The following GTPBP1 variants were observed in gnomAD, a reference collection of about 807,000 sequenced individuals.
GTPBP1 encodes GTP-binding protein 1.
GTPBP1 carries 23 observed loss-of-function variants against 62.0 expected under a neutral mutation model. The ratio of observed to expected loss-of-function variants is 0.37; its 90% confidence interval spans 0.27 to 0.53. The LOEUF is 0.53. GTPBP1 is among the 20% of genes least tolerant of loss of function. The pLI is 0.89. For synonymous variants in GTPBP1, 344 were observed against 364.4 expected, an observed-to-expected ratio of 0.94 and a Z score of 0.64; for missense variants, 640 against 917.3, an observed-to-expected ratio of 0.70 and a Z score of 3.90.
At chr22:38,729,430 C>T (rs2092744189) in intron 10 of GTPBP1, 32 bp from the exon 11 acceptor site, 18 of 1,538,696 alleles carry the variant, frequency 1.2e-5, no homozygotes, top group Non-Finnish European at 1.6e-5. Flanking sequence ...CCCCGCAGCT[C>T]CAGCCTCAGC....
rs755305464 is a variant in GTPBP1, at chr22:38,716,715, G to T, written c.549G>T (p.Gly183=). The change falls in exon 4 of 12, where the codon GGG becomes GGT. Residue 183 remains glycine (G), a synonymous_variant. Transcript: ENST00000216044. The surrounding 1 kb of genome is among the most constrained non-coding windows in gnomAD (Gnocchi z 5.2). ...CGCTTCTGGGGGTCCTGACACATGGGGAGCTGGACAATGGCCGAGGCTTTG... is the reference window on the plus strand; with the variant it reads ...CGCTTCTGGGGGTCCTGACACATGGTGAGCTGGACAATGGCCGAGGCTTTG... ...KSTLLGVLTH[G]ELDNGRGFAR... is the part of the protein sequence containing the mutation. 2.5e-6 allele frequency: 4 copies of T among 1,614,194 alleles called. No individual in the cohort carries two copies. Among genetic ancestry groups the T allele is most frequent in the Middle Eastern group, 1.6e-4 (1 of 6,062 alleles).
At chr22:38,723,216 C>A in intron 5 of GTPBP1, 1 of 1,029,228 alleles carries the variant, frequency 9.7e-7, no homozygotes, top group South Asian at 1.3e-5. Context: ...AGAAGAAAAG[C>A]ACCAAATTAT....
chr22:38,737,355 C>T (rs775975626), downstream of GTPBP1, among the ~76,000 whole-genome samples: 20 of 152,044 alleles, frequency 1.3e-4, no homozygotes, highest in Non-Finnish European at 2.5e-4. The surrounding 1 kb of genome is among the most constrained non-coding windows in gnomAD (Gnocchi z 4.1). Flanking sequence ...TGGACATTCA[C>T]GACCCTCCCT....
downstream of GTPBP1, chr22:38,734,394 G>A: frequency 2.5e-6 from 1 of 403,120 alleles, no homozygotes; most frequent in Non-Finnish European, 5.1e-6. Flanking sequence ...GACGTGGCTG[G>A]TAGGTAAGTG....
chr22:38,740,925 G>T (rs529640737), downstream of GTPBP1: 99 of 1,410,648 alleles, frequency 7.0e-5, no homozygotes, highest in Non-Finnish European at 9.3e-5. This position sits in a 1 kb window ranked among gnomAD's most constrained non-coding sequence, Gnocchi z 4.8. Flanking sequence ...TCTCTGCTCT[G>T]CGGCTCTGCT....
downstream of GTPBP1, chr22:38,741,061 A>G (rs773590546): frequency 8.8e-6 from 14 of 1,593,626 alleles, no homozygotes; most frequent in African/African-American, 2.7e-5. Flanking sequence ...CTGTGTAGGA[A>G]GAAGGGACAA....
chr22:38,726,492 C>T lies in GTPBP1; in HGVS notation c.1401+52C>T. On this transcript the variant is annotated intron_variant, in intron 8 of 11. Transcript: ENST00000216044. This position sits in a 1 kb window ranked among gnomAD's most constrained non-coding sequence, Gnocchi z 4.1. The stretch of plus-strand genomic sequence containing the variant: ...CCCTCAGACTCCATCATGCTAGGCT[C>T]TTGGCCAGATGCCCTGCTCACCCAC... 6.7e-7 allele frequency: 1 copy of T among 1,498,000 alleles called. No individual in the cohort carries two copies. Among genetic ancestry groups the T allele is most frequent in the Non-Finnish European group, 9.2e-7 (1 of 1,082,064 alleles). The allele number at this position is 1,498,000 out of a possible 1,614,324, so 92.8% of individuals were successfully genotyped here. A position where few individuals can be genotyped will look rare whatever the true frequency, so the allele number is the denominator to read the frequency against.
chr22:38,739,026 G>A (rs766818927), downstream of GTPBP1: 8 of 1,569,512 alleles, frequency 5.1e-6, no homozygotes, highest in South Asian at 1.2e-5. This position sits in a 1 kb window ranked among gnomAD's most constrained non-coding sequence, Gnocchi z 6.7. Context: ...GCTCCCGCAC[G>A]GGAGGAGGGC....
downstream of GTPBP1, chr22:38,741,138 G>T: frequency 7.0e-7 from 1 of 1,426,392 alleles, no homozygotes; most frequent in Non-Finnish European, 9.7e-7. Flanking sequence ...TAGCGTCTTT[G>T]CTTAACCACA....
At chr22:38,728,228 G>C in intron 10 of GTPBP1, 67 bp downstream of exon 10, 1 of 1,155,238 alleles carries the variant, frequency 8.7e-7, no homozygotes, top group Non-Finnish European at 1.3e-6. Flanking sequence ...CTGTGACCCT[G>C]AGTGCAGGGC....
Position 38,728,123 on chromosome 22 carries a change from C to T in GTPBP1, c.1678C>T (p.Arg560Trp), listed in dbSNP as rs2092736621. 1.2e-6 allele frequency: 2 copies of T among 1,613,802 alleles called. No individual in the cohort carries two copies. Among genetic ancestry groups the T allele is most frequent in the African/African-American group, 1.3e-5 (1 of 75,018 alleles). ...GCACATAGACCAGCGGCTGGTGTTC[C>T]GGGAAGGCCGCACCAAGGCTGTCGG... ...YLHIDQRLVF[R>W]EGRTKAVGTI... Residue 560 changes from arginine to tryptophan, a missense_variant, in exon 10 of 12, where the codon CGG becomes TGG. This residue lies in a region of GTPBP1 where 220 missense variants were observed against 358.1 expected (regional missense o/e 0.61). Coordinates refer to ENST00000216044, the MANE Select transcript of GTPBP1 (RefSeq NM_004286.5).
downstream of GTPBP1, chr22:38,738,351 C>G: frequency 1.6e-6 from 2 of 1,266,760 alleles, no homozygotes; most frequent in Non-Finnish European, 2.2e-6. This position sits in a 1 kb window ranked among gnomAD's most constrained non-coding sequence, Gnocchi z 6.6. Context: ...TCCCACCCAG[C>G]AGGTCAGGCA....
downstream of GTPBP1, chr22:38,740,530 G>A (rs1016241550): frequency 4.0e-5 from 52 of 1,313,982 alleles, no homozygotes; most frequent in Non-Finnish European, 5.0e-5. This position sits in a 1 kb window ranked among gnomAD's most constrained non-coding sequence, Gnocchi z 4.8. Flanking sequence ...CTCCCGTCAG[G>A]AGAGCGGGTG....
At chr22:38,714,234 G>T (rs2092656130) in intron 2 of GTPBP1, among the ~76,000 whole-genome samples, 1 of 152,054 alleles carries the variant, frequency 6.6e-6, no homozygotes, top group Non-Finnish European at 1.5e-5. Context: ...CCAGCACTTT[G>T]GTGGGAGGCC....
downstream of GTPBP1, chr22:38,740,432 G>A: frequency 6.6e-7 from 1 of 1,505,016 alleles, no homozygotes; most frequent in Non-Finnish European, 8.9e-7. This position sits in a 1 kb window ranked among gnomAD's most constrained non-coding sequence, Gnocchi z 4.8. Context: ...CCTGGGTCAT[G>A]CTGGTCCCAG....
chr22:38,732,655 T>C lies in GTPBP1; in HGVS notation c.*1951T>C, dbSNP rs1282829312. 6.6e-6 allele frequency: 1 copy of C among 152,266 alleles called. No individual in the cohort carries two copies. The highest frequency in any genetic ancestry group is 1.5e-5 in the Non-Finnish European group (1 of 68,064). 9.4% of individuals were successfully genotyped at this position (152,266 alleles called of 1,614,324 possible). A position where few individuals can be genotyped will look rare whatever the true frequency, so the allele number is the denominator to read the frequency against. The stretch of plus-strand genomic sequence containing the variant: ...CTGCCAGGAGTCTCACACGCTCCTG[T>C]TGACATTCCCAGCAGCCGCCCCTGA... On this transcript the variant is annotated 3_prime_UTR_variant, in exon 12 of 12. Transcript: ENST00000216044.
At chr22:38,740,778 C>T (rs948468749), downstream of GTPBP1, 2 of 600,980 alleles carry the variant, frequency 3.3e-6, no homozygotes, top group Non-Finnish European at 5.9e-6. This position sits in a 1 kb window ranked among gnomAD's most constrained non-coding sequence, Gnocchi z 4.8. Context: ...AATCCCGGTC[C>T]TCTCACACAG....
chr22:38,707,686 A>G (rs559540834), intron 1 of GTPBP1, among the ~76,000 whole-genome samples: 4 of 152,374 alleles, frequency 2.6e-5, no homozygotes, highest in African/African-American at 9.6e-5. Context: ...AGAGTTGCAA[A>G]GACGGTAGTA....
downstream of GTPBP1, chr22:38,739,013 TGGGCTCCCGCACGGGAGGA>T (rs1172436148): frequency 6.3e-7 from 1 of 1,591,296 alleles, no homozygotes. This position sits in a 1 kb window ranked among gnomAD's most constrained non-coding sequence, Gnocchi z 6.7. Flanking sequence ...GAAGGCAGGG[TGGGCTCCCGCACGGGAGGA>T]GGGCCCCGCT....
Sources: allele counts gnomAD v4.1 joint callset (sites outside exome capture counted in the v4.1 genomes callset), GRCh38; gene constraint gnomAD v4.1.1; regional missense constraint gnomAD v4.1.1; non-coding constraint Gnocchi (gnomAD v3.1); transcripts MANE v1.5; gene names NCBI Gene and HGNC (gene_info 2026-07-23, HGNC 2026-07-21).